GNG2: variants seen among roughly 807,000 people sequenced by gnomAD.
GNG2 encodes the protein guanine nucleotide-binding protein G(I)/G(S)/G(O) subunit gamma-2.
A neutral mutation model predicts 5.5 loss-of-function variants in GNG2; 5 were observed. The ratio of observed to expected loss-of-function variants is 0.91; its 90% CI spans 0.48 to 1.92. The LOEUF (loss-of-function observed/expected upper bound fraction) is 1.92, where lower values mean the gene tolerates loss of function less well. Ranked by LOEUF, GNG2 falls within the 30% of genes most tolerant of loss-of-function variation. GNG2 has a pLI of 0.01. For missense variants in GNG2, 55 were observed against 88.4 expected (o/e 0.62, Z 1.52); for synonymous variants, 28 against 32.0 (o/e 0.88, Z 0.42).
At chr14:51,926,514 G>A (rs941864599) in intron 2 of GNG2, among the ~76,000 whole-genome samples, 1 of 152,168 alleles carries the variant, frequency 6.6e-6, no homozygotes, top group Non-Finnish European at 1.5e-5. Flanking sequence ...CTCAGCACGT[G>A]GTGAGAAACC....
At chr14:51,952,959 G>A (rs982283002) in intron 3 of GNG2, among the ~76,000 whole-genome samples, 2 of 152,164 alleles carry the variant, frequency 1.3e-5, no homozygotes, top group African/African-American at 4.8e-5. Context: ...CAAAGTTCCT[G>A]TGACCCCTGT....
chr14:51,922,800 G>C (rs2140228487), intron 2 of GNG2, among the ~76,000 whole-genome samples: 1 of 152,248 alleles, frequency 6.6e-6, no homozygotes, highest in Non-Finnish European at 1.5e-5. Flanking sequence ...TCTGTTTGCT[G>C]GTATGTGTTT....
intron 1 of GNG2, among the ~76,000 whole-genome samples, chr14:51,827,053 C>G (rs1242368397): frequency 1.3e-5 from 2 of 152,096 alleles, no homozygotes; most frequent in South Asian, 2.1e-4. Context: ...TCAAGGTGGG[C>G]AGGTAAGGAA....
chr14:51,892,559 C>T (rs928119104), intron 2 of GNG2, among the ~76,000 whole-genome samples: 1 of 152,156 alleles, frequency 6.6e-6, no homozygotes, highest in Non-Finnish European at 1.5e-5. Context: ...TCAGCCTACT[C>T]CCAAAGTGCC....
intron 2 of GNG2, among the ~76,000 whole-genome samples, chr14:51,940,960 G>A (rs1260065663): frequency 6.6e-6 from 1 of 152,032 alleles, no homozygotes; most frequent in African/African-American, 2.4e-5. Context: ...GCCCTTTAGA[G>A]GAATGGATAT....
At chr14:51,901,186 CT>C (rs11315945) in intron 2 of GNG2, among the ~76,000 whole-genome samples, 16,501 of 147,392 alleles carry the variant, frequency 0.11, 1,600 homozygotes, top group African/African-American at 0.27. Flanking sequence ...GAAAGTATTT[CT>C]TTTTTTTTTT....
At chr14:51,856,457 G>A (rs931773492), upstream of GNG2, among the ~76,000 whole-genome samples, 5 of 152,092 alleles carry the variant, frequency 3.3e-5, no homozygotes, top group Non-Finnish European at 2.9e-5. Context: ...TGTTCGAGAC[G>A]GAGTCTTGCT....
Position 51,930,770 on chromosome 14 carries a change from G to C in GNG2, c.-29-19880G>C, listed in dbSNP as rs568135605. Among the ~76,000 whole-genome samples, 18 of 152,326 alleles carry C rather than the reference G, an allele frequency of 1.2e-4. No individual in the cohort carries two copies. In the South Asian group the frequency reaches 2.7e-3, roughly 23 times the overall value. On this transcript the variant is annotated intron_variant, in intron 2 of 3. Coordinates refer to ENST00000556766, the MANE Select transcript of GNG2 (RefSeq NM_053064.5). ...AGCATGGTGCCAGTATCTGCTTCTT[G>C]TGAGGGGCTCAGGAAGCTTCCAATC...
chr14:51,949,420 G>A (rs1053141777), intron 2 of GNG2, among the ~76,000 whole-genome samples: 2 of 151,994 alleles, frequency 1.3e-5, no homozygotes, highest in Non-Finnish European at 1.5e-5. Flanking sequence ...AATTTGTTAC[G>A]GGTTATTCTT....
chr14:51,942,112 C>T (rs1198900927), intron 2 of GNG2, among the ~76,000 whole-genome samples: 1 of 152,076 alleles, frequency 6.6e-6, no homozygotes, highest in African/African-American at 2.4e-5. Context: ...GACCAGATAT[C>T]GATAAAGCAT....
At chr14:51,938,806 C>A (rs1228137336) in intron 2 of GNG2, among the ~76,000 whole-genome samples, 1 of 152,220 alleles carries the variant, frequency 6.6e-6, no homozygotes, top group Non-Finnish European at 1.5e-5. Flanking sequence ...AAGAGACCAT[C>A]TAAGCAATGG....
At chr14:51,878,747 A>T (rs1204790174) in intron 2 of GNG2, among the ~76,000 whole-genome samples, 2 of 152,154 alleles carry the variant, frequency 1.3e-5, no homozygotes, top group Non-Finnish European at 2.9e-5. Context: ...AGATGTACTG[A>T]CCTATACATG....
intron 1 of GNG2, among the ~76,000 whole-genome samples, chr14:51,876,023 A>G (rs1594863821): frequency 6.8e-6 from 1 of 146,448 alleles, no homozygotes; most frequent in East Asian, 2.0e-4. Context: ...CTATAGCCTC[A>G]CTCTCCTGGG....
chr14:51,880,967 G>GAAAAAAAAAAAAA (rs11463019), intron 2 of GNG2, among the ~76,000 whole-genome samples: 1,847 of 101,218 alleles, frequency 0.018, no homozygotes, highest in African/African-American at 0.022. Flanking sequence ...CAAAAAAAAA[G>GAAAAAAAAAAAAA]AAAAAAAAAA....
At chr14:51,904,784 A>G (rs938525983) in intron 2 of GNG2, among the ~76,000 whole-genome samples, 3 of 152,228 alleles carry the variant, frequency 2.0e-5, no homozygotes, top group African/African-American at 4.8e-5. Flanking sequence ...TTTCGGTGTC[A>G]TATTTGTGTC....
chr14:51,932,271 A>AAAAAG (rs60014306), intron 2 of GNG2, among the ~76,000 whole-genome samples: 24,913 of 96,004 alleles, frequency 0.26, 6,236 homozygotes, highest in Non-Finnish European at 0.34. Context: ...AAAAAAAAAA[A>AAAAAG]AGAAAAGAAA....
chr14:51,923,525 G>A lies in GNG2; in HGVS notation c.-29-27125G>A, dbSNP rs540439030. Among the ~76,000 whole-genome samples, 448 of 145,828 alleles carry A rather than the reference G, an allele frequency of 3.1e-3. 1 individual carries two copies. Among genetic ancestry groups the A allele is most frequent in the African/African-American group, 0.01 (403 of 39,422 alleles). Reference sequence around the variant, plus strand: ...TGTGTGTGTATGTGTATATATATGTGTATATATATACACATATACACATAT... The same window carrying A: ...TGTGTGTGTATGTGTATATATATGTATATATATATACACATATACACATAT... On this transcript the variant is annotated intron_variant, in intron 2 of 3. Coordinates refer to ENST00000556766, the MANE Select transcript of GNG2 (RefSeq NM_053064.5).
At chr14:51,860,846 T>G (rs1169468091) in intron 1 of GNG2, 56 bp downstream of exon 1, 1 of 152,208 alleles carries the variant, frequency 6.6e-6, no homozygotes, top group Non-Finnish European at 1.5e-5. Flanking sequence ...CGACCGTCGC[T>G]TGTGGTTTTA....
intron 2 of GNG2, among the ~76,000 whole-genome samples, chr14:51,913,690 A>T (rs1415523238): frequency 1.3e-5 from 2 of 152,186 alleles, no homozygotes; most frequent in African/African-American, 2.4e-5. Flanking sequence ...GGAGCAACTG[A>T]TCAAAAAGCT....
Sources: gnomAD v4.1 joint callset for allele counts (sites outside exome capture counted in the v4.1 genomes callset) on GRCh38, gnomAD v4.1.1 for gene constraint, MANE v1.5 for transcripts, NCBI Gene and HGNC (gene_info 2026-07-23, HGNC 2026-07-21) for gene names.